Variants in PRKG1 observed in about 807,000 individuals in gnomAD.
PRKG1 encodes protein kinase cGMP-dependent 1, also known as cGMP-dependent protein kinase 1.
PRKG1 carries 35 observed loss-of-function variants against 88.1 expected under a neutral mutation model. The observed-to-expected ratio is 0.40, with a 90% CI of 0.30 to 0.53. The LOEUF is 0.53. Among genes scored for constraint, PRKG1 ranks in the 20% least tolerant of loss-of-function variants. The probability of loss-of-function intolerance (pLI) is 0.59; values close to 1 mark genes in which losing one functional copy is unlikely to be tolerated. For synonymous variants in PRKG1, 303 were observed against 292.5 expected (o/e 1.04, Z -0.37); for missense variants, 540 against 839.8 (o/e 0.64, Z 4.41).
Position 51,621,568 on chromosome 10 carries a change from A to T in PRKG1, c.592+153732A>T, listed in dbSNP as rs535399415. Among the ~76,000 whole-genome samples the T allele has an allele frequency of 6.6e-4, 101 of 152,300 alleles. 2 individuals carry two copies. The highest frequency in any genetic ancestry group is 2.1e-3 in the African/African-American group (86 of 41,584). On this transcript the variant is annotated intron_variant, in intron 3 of 17. Coordinates refer to ENST00000373980, the MANE Select transcript of PRKG1 (RefSeq NM_006258.4). Reference sequence around the variant, plus strand: ...GCTGCTCAGTGTCCATGCAAGTATCATGCCAAGTTTATTATTCCTTCAGAG... The same window carrying T: ...GCTGCTCAGTGTCCATGCAAGTATCTTGCCAAGTTTATTATTCCTTCAGAG...
chr10:51,357,778 G>T (rs895738456), intron 2 of PRKG1, among the ~76,000 whole-genome samples: 23 of 151,740 alleles, frequency 1.5e-4, no homozygotes, highest in African/African-American at 5.6e-4. Context: ...CTTTGTCTAA[G>T]CCCAGCATTC....
At chr10:51,210,463 A>G (rs1838183366) in intron 2 of PRKG1, among the ~76,000 whole-genome samples, 1 of 152,186 alleles carries the variant, frequency 6.6e-6, no homozygotes, top group Admixed American at 6.5e-5. Context: ...AATAACTAAG[A>G]TCAGAGCAGA....
chr10:52,141,623 C>T (rs2132650729), intron 8 of PRKG1, among the ~76,000 whole-genome samples: 1 of 152,200 alleles, frequency 6.6e-6, no homozygotes, highest in Middle Eastern at 3.4e-3. Flanking sequence ...TCTGTTAAGC[C>T]ACAAACTTAC....
intron 3 of PRKG1, among the ~76,000 whole-genome samples, chr10:51,718,354 A>G (rs1373320224): frequency 3.3e-5 from 5 of 152,206 alleles, no homozygotes; most frequent in East Asian, 1.9e-4. Context: ...AGCTCAAGTG[A>G]AGACCAGGCC....
intron 2 of PRKG1, among the ~76,000 whole-genome samples, chr10:51,300,113 G>C (rs1225654153): frequency 6.6e-6 from 1 of 152,162 alleles, no homozygotes. Context: ...GTAGAACCTT[G>C]TCTTTATGAA....
At chr10:51,126,416 T>A (rs1845420921) in intron 1 of PRKG1, among the ~76,000 whole-genome samples, 2 of 140,486 alleles carry the variant, frequency 1.4e-5, no homozygotes, top group Admixed American at 1.5e-4. Context: ...TTATATATAA[T>A]TCATATATTC....
chr10:52,167,839 G>T (rs984954846), intron 9 of PRKG1, among the ~76,000 whole-genome samples: 1 of 152,174 alleles, frequency 6.6e-6, no homozygotes, highest in South Asian at 2.1e-4. Context: ...ACAACTATAT[G>T]ACTATAGATA....
intron 2 of PRKG1, among the ~76,000 whole-genome samples, chr10:51,460,658 A>G (rs544821509): frequency 2.6e-5 from 4 of 152,284 alleles, no homozygotes; most frequent in Non-Finnish European, 5.9e-5. Flanking sequence ...TCAAAAGATA[A>G]TGCACAGAAA....
chr10:51,917,507 T>C (rs1202654762), intron 5 of PRKG1, among the ~76,000 whole-genome samples: 1 of 152,170 alleles, frequency 6.6e-6, no homozygotes, highest in African/African-American at 2.4e-5. Context: ...TTGATTTCAG[T>C]TGTGATAATT....
intron 3 of PRKG1, among the ~76,000 whole-genome samples, chr10:51,733,356 T>G (rs1195876357): frequency 1.3e-5 from 2 of 152,136 alleles, no homozygotes; most frequent in African/African-American, 4.8e-5. Context: ...TAGGAACTTG[T>G]GTGGGGGTGG....
At chr10:52,251,149 G>C (rs1202971507) in intron 9 of PRKG1, among the ~76,000 whole-genome samples, 1 of 152,018 alleles carries the variant, frequency 6.6e-6, no homozygotes, top group African/African-American at 2.4e-5. Flanking sequence ...GTGGATAAGG[G>C]AAACTGATGA....
intron 5 of PRKG1, among the ~76,000 whole-genome samples, chr10:51,997,392 A>T (rs1387306629): frequency 6.7e-6 from 1 of 150,078 alleles, no homozygotes; most frequent in East Asian, 2.0e-4. Context: ...AATCATTTGA[A>T]CCCGGGAGGC....
At chr10:52,272,520 C>G (rs753266433) in intron 12 of PRKG1, 39 bp downstream of exon 12, 1 of 1,417,604 alleles carries the variant, frequency 7.1e-7, no homozygotes, top group Non-Finnish European at 9.9e-7. Context: ...TCTCTAAAAA[C>G]AGTTGCCCAT....
chr10:52,081,664 A>G, intron 7 of PRKG1: 1 of 456,662 alleles, frequency 2.2e-6, no homozygotes, highest in Non-Finnish European at 4.4e-6. Context: ...TGAGGTAAGG[A>G]GTAACGAGAA....
At chr10:51,291,420 G>T (rs752112059) in intron 2 of PRKG1, among the ~76,000 whole-genome samples, 1 of 151,710 alleles carries the variant, frequency 6.6e-6, no homozygotes, top group African/African-American at 2.4e-5. Context: ...ATGGTAACAA[G>T]ATAACGGTAA....
At chr10:51,122,566 A>G (rs1458829839) in intron 1 of PRKG1, among the ~76,000 whole-genome samples, 3 of 152,222 alleles carry the variant, frequency 2.0e-5, no homozygotes, top group Non-Finnish European at 4.4e-5. Flanking sequence ...GGAAAAACTC[A>G]TATATAAAAA....
At chr10:51,899,668 A>C (rs868545896) in intron 4 of PRKG1, among the ~76,000 whole-genome samples, 50 of 54,276 alleles carry the variant, frequency 9.2e-4, no homozygotes, top group African/African-American at 3.7e-3. Flanking sequence ...AAAAAAGAAA[A>C]ATGTATATAT....
chr10:51,307,124 T>C (rs1841059310), intron 2 of PRKG1, among the ~76,000 whole-genome samples: 1 of 152,188 alleles, frequency 6.6e-6, no homozygotes, highest in Middle Eastern at 3.4e-3. Context: ...TAATGCATTA[T>C]TATACAGTGT....
At chr10:52,291,009 G>A (rs1007920352) in intron 17 of PRKG1, among the ~76,000 whole-genome samples, 2 of 143,748 alleles carry the variant, frequency 1.4e-5, no homozygotes, top group Non-Finnish European at 3.0e-5. Context: ...TGCAACCCCT[G>A]CATCCCAGGT....
Sources: allele counts gnomAD v4.1 joint callset (sites outside exome capture counted in the v4.1 genomes callset), GRCh38; gene constraint gnomAD v4.1.1; transcripts MANE v1.5; gene names NCBI Gene and HGNC (gene_info 2026-07-23, HGNC 2026-07-21).